The following CDC14A variants were observed in gnomAD, a reference collection of about 807,000 sequenced individuals.
CDC14A encodes the protein cell division cycle 14A.
CDC14A carries 53 observed loss-of-function variants against 74.4 expected under a neutral mutation model. The observed-to-expected ratio is 0.71, with a 90% confidence interval of 0.57 to 0.89. CDC14A has a LOEUF of 0.89. Ranked by LOEUF, CDC14A falls within the 40% of genes least tolerant of loss-of-function variation. The pLI, the probability that CDC14A is intolerant of heterozygous loss-of-function variation, is 0.00. For missense variants in CDC14A, 646 were observed against 713.7 expected (o/e 0.91, Z 1.08); for synonymous variants, 247 against 258.4 (o/e 0.96, Z 0.43).
chr1:100,382,979 T>C (rs1445862840), intron 3 of CDC14A, among the ~76,000 whole-genome samples: 1 of 152,228 alleles, frequency 6.6e-6, no homozygotes, highest in African/African-American at 2.4e-5. Flanking sequence ...ATGTAATGAC[T>C]AGACCACCCT....
At position 100,499,163 on chromosome 1, in the gene CDC14A, C is replaced by T. The variant is rs764768258; in HGVS notation, c.1656C>T (p.Gly552=). The stretch of plus-strand genomic sequence containing the variant: ...GGGGCAACCTGAACAGCCCCCCAGG[C>T]CCCCACAGCGCCAAGACAGAGGAGC... ...SNGGNLNSPP[G]PHSAKTEEHT... is the part of the protein sequence containing the mutation. The change falls in exon 15 of 16, where the codon GGC becomes GGT. Residue 552 remains glycine (G), a synonymous_variant. Transcript: ENST00000336454. The T allele has an allele frequency of 8.7e-6, 14 of 1,614,020 alleles. No individual in the cohort carries two copies. The highest frequency in any genetic ancestry group is 8.0e-5 in the African/African-American group (6 of 74,902).
At position 100,518,567 on chromosome 1, in the gene CDC14A, A is replaced by C; in HGVS notation, c.*287A>C. The C allele has an allele frequency of 3.7e-6, 1 of 271,666 alleles. No homozygotes were observed. The highest frequency in any genetic ancestry group is 7.0e-6 in the Non-Finnish European group (1 of 142,120). The allele number at this position is 271,666 out of a possible 1,614,324, so 16.8% of individuals were successfully genotyped here. ...AGGGTTATTTTTAATGTATTTTGGTAATACATTTATTATTATATTTACATG... is the reference window on the plus strand; with the variant it reads ...AGGGTTATTTTTAATGTATTTTGGTCATACATTTATTATTATATTTACATG... On this transcript the variant is annotated 3_prime_UTR_variant, in exon 16 of 16. Coordinates refer to ENST00000336454, the MANE Select transcript of CDC14A (RefSeq NM_003672.4).
In CDC14A at chr1:100,352,776, G is replaced by A; in HGVS notation, c.-179G>A. On this transcript the variant is annotated 5_prime_UTR_variant, in exon 1 of 16. Transcript: ENST00000336454. ...TCGGGTTCCCCTCGGAATGTCCCCG[G>A]GGCGCCCGGCGCGCTGACCCCGAAG... 2.1e-6 allele frequency: 3 copies of A among 1,422,748 alleles called. No individual in the cohort carries two copies. Among genetic ancestry groups the A allele is most frequent in the Middle Eastern group, 2.6e-4 (1 of 3,862 alleles). 88.1% of individuals were successfully genotyped at this position (1,422,748 alleles called of 1,614,324 possible).
intron 3 of CDC14A, 97 bp downstream of exon 3, chr1:100,377,718 G>T (rs1393868706): frequency 2.5e-6 from 2 of 812,604 alleles, no homozygotes; most frequent in South Asian, 1.7e-5. Context: ...TTAGTCAGGT[G>T]ATCTTGATCT....
intron 10 of CDC14A, among the ~76,000 whole-genome samples, chr1:100,470,584 A>C (rs1668293918): frequency 6.6e-6 from 1 of 152,170 alleles, no homozygotes; most frequent in Non-Finnish European, 1.5e-5. Flanking sequence ...ATCTGACAAA[A>C]GACTTGTACA....
chr1:100,442,631 ATTTGT>A (rs1332670592), intron 6 of CDC14A, among the ~76,000 whole-genome samples: 1 of 151,844 alleles, frequency 6.6e-6, no homozygotes, highest in Non-Finnish European at 1.5e-5. Flanking sequence ...CTAACTATAA[ATTTGT>A]TTTATTTCAT....
chr1:100,428,148 A>G (rs1229723330), intron 5 of CDC14A, among the ~76,000 whole-genome samples: 1 of 152,220 alleles, frequency 6.6e-6, no homozygotes, highest in East Asian at 1.9e-4. Context: ...AAAATTAACA[A>G]AAAACGAGAA....
chr1:100,472,064 A>G (rs559838101), intron 10 of CDC14A, among the ~76,000 whole-genome samples: 1 of 152,200 alleles, frequency 6.6e-6, no homozygotes, highest in African/African-American at 2.4e-5. Flanking sequence ...TTTACATCAC[A>G]TAATAATGGG....
intron 8 of CDC14A, among the ~76,000 whole-genome samples, chr1:100,457,678 G>A (rs527417051): frequency 2.7e-5 from 4 of 149,840 alleles, no homozygotes; most frequent in East Asian, 1.9e-4. Context: ...TATGTTGCCC[G>A]GGCTGGTCTT....
chr1:100,439,998 G>A lies in CDC14A; in HGVS notation c.456G>A (p.Lys152=), dbSNP rs774957073. The part of the protein sequence containing the change: ...TILDCLQGIR[K]GLQHGFFDFE... Reference sequence around the variant, plus strand: ...TCGACTGTTTGCAGGGAATCAGAAAGGTAATAACAATTCTCCTTGCTGTAG... The same window carrying A: ...TCGACTGTTTGCAGGGAATCAGAAAAGTAATAACAATTCTCCTTGCTGTAG... Residue 152 remains lysine, a splice_region_variant and synonymous_variant, in exon 6 of 16, where the codon AAG becomes AAA. Transcript: ENST00000336454. The A allele has an allele frequency of 1.9e-5, 30 of 1,609,218 alleles. No individual in the cohort carries two copies. The highest frequency in any genetic ancestry group is 5.1e-6 in the Non-Finnish European group (6 of 1,175,934).
intron 10 of CDC14A, chr1:100,480,816 C>T (rs1181893668): frequency 6.6e-6 from 1 of 152,204 alleles, no homozygotes; most frequent in Non-Finnish European, 1.5e-5. Flanking sequence ...GATCTAGCTT[C>T]TGATTGTAGG....
chr1:100,462,975 T>C, intron 9 of CDC14A, 94 bp downstream of exon 9: 1 of 862,956 alleles, frequency 1.2e-6, no homozygotes, highest in Non-Finnish European at 1.8e-6. Flanking sequence ...TTTAGTGTCT[T>C]AGAAAAACAA....
At chr1:100,373,805 T>C (rs539779779) in intron 2 of CDC14A, among the ~76,000 whole-genome samples, 2 of 152,294 alleles carry the variant, frequency 1.3e-5, no homozygotes, top group East Asian at 3.9e-4. Flanking sequence ...TTCTTTCTTT[T>C]TTTTTATTAT....
intron 5 of CDC14A, among the ~76,000 whole-genome samples, chr1:100,433,425 G>T (rs1175284609): frequency 6.6e-6 from 1 of 152,040 alleles, no homozygotes; most frequent in South Asian, 2.1e-4. Flanking sequence ...TGCTTATAAG[G>T]GTTCTTAGAT....
chr1:100,458,757 C>T (rs1027840905), intron 8 of CDC14A, among the ~76,000 whole-genome samples: 5 of 149,792 alleles, frequency 3.3e-5, no homozygotes, highest in South Asian at 2.1e-4. Flanking sequence ...TTTAGAGGCT[C>T]GTTAGAAAAG....
intron 2 of CDC14A, among the ~76,000 whole-genome samples, chr1:100,369,645 T>C (rs1303314884): frequency 1.3e-5 from 2 of 152,186 alleles, no homozygotes; most frequent in Admixed American, 1.3e-4. Flanking sequence ...AGATACATAG[T>C]TTGCGAATAT....
chr1:100,467,418 C>T (rs1667948466), intron 9 of CDC14A, among the ~76,000 whole-genome samples: 2 of 124,954 alleles, frequency 1.6e-5, no homozygotes, highest in South Asian at 6.2e-4. Context: ...CACACACACA[C>T]ACGCATATGC....
At chr1:100,352,180 T>C (rs1209883933), upstream of CDC14A, among the ~76,000 whole-genome samples, 2 of 152,204 alleles carry the variant, frequency 1.3e-5, no homozygotes, top group African/African-American at 4.8e-5. Flanking sequence ...CCTTTGGCGA[T>C]GTCCACTCTC....
intron 8 of CDC14A, among the ~76,000 whole-genome samples, chr1:100,460,363 A>T (rs1421640094): frequency 1.3e-5 from 2 of 152,188 alleles, no homozygotes; most frequent in Non-Finnish European, 2.9e-5. Context: ...GAAAAGAGAG[A>T]TTCTTGCAGC....
Sources: gnomAD v4.1 joint callset for allele counts (sites outside exome capture counted in the v4.1 genomes callset) on GRCh38, gnomAD v4.1.1 for gene constraint, MANE v1.5 for transcripts, NCBI Gene and HGNC (gene_info 2026-07-23, HGNC 2026-07-21) for gene names.